TMEFF2: variants seen among roughly 807,000 people sequenced by gnomAD.
The protein encoded by TMEFF2 is tomoregulin-2.
Under a neutral mutation model 53.8 loss-of-function variants are expected in TMEFF2, and 28 were observed. That is an observed-to-expected ratio of 0.52 (90% CI 0.39 to 0.71). The LOEUF is 0.71. TMEFF2 is among the 30% of genes least tolerant of loss of function. The pLI is 0.00. For missense variants in TMEFF2, 353 were observed against 455.2 expected (o/e 0.78, Z 2.04); for synonymous variants, 162 against 166.3 (o/e 0.97, Z 0.20).
At chr2:191,956,232 A>G (rs1208594301) in intron 8 of TMEFF2, 23 bp downstream of exon 8, 5 of 1,596,698 alleles carry the variant, frequency 3.1e-6, no homozygotes, top group Non-Finnish European at 2.6e-6. Flanking sequence ...TACATTAACT[A>G]TTCTTGCGAG....
Position 192,075,332 on chromosome 2 carries a change from T to TATATATATATATATACAC in TMEFF2, c.440-17558_440-17557insGTGTATATATATATATAT, listed in dbSNP as rs796267672. ...ATATATATATATATATATATATATA[T>TATATATATATATATACAC]ACATACATACTATGTATATCCTTGC... On this transcript the variant is annotated intron_variant, in intron 4 of 9. Transcript: ENST00000272771. Among the ~76,000 whole-genome samples, 10 of 88,144 alleles carry TATATATATATATATACAC rather than the reference T, an allele frequency of 1.1e-4. 1 individual carries two copies. The highest frequency in any genetic ancestry group is 4.1e-4 in the African/African-American group (10 of 24,412). The allele number at this position is 88,144 out of a possible 152,430, so 57.8% of individuals were successfully genotyped here.
At chr2:192,129,312 T>G (rs1689754229) in intron 4 of TMEFF2, among the ~76,000 whole-genome samples, 1 of 151,848 alleles carries the variant, frequency 6.6e-6, no homozygotes, top group African/African-American at 2.4e-5. Context: ...ACCCACGGGT[T>G]ATTTTATAAG....
intron 5 of TMEFF2, among the ~76,000 whole-genome samples, chr2:192,049,892 C>A (rs1228675349): frequency 6.6e-6 from 1 of 151,834 alleles, no homozygotes; most frequent in Non-Finnish European, 1.5e-5. Context: ...TCCCAGCTAC[C>A]CGGGAGGCTG....
At chr2:192,053,127 A>G (rs1479877662) in intron 5 of TMEFF2, among the ~76,000 whole-genome samples, 3 of 152,290 alleles carry the variant, frequency 2.0e-5, no homozygotes, top group East Asian at 3.9e-4. Context: ...ATTACAAGCC[A>G]TCTGTTTTCT....
intron 7 of TMEFF2, among the ~76,000 whole-genome samples, chr2:191,964,398 CTCTTTCT>C (rs1692403238): frequency 3.9e-5 from 2 of 51,750 alleles, no homozygotes; most frequent in Non-Finnish European, 7.5e-5. Flanking sequence ...TTCTTTCTTT[CTCTTTCT>C]TTCTTTCTTT....
intron 7 of TMEFF2, among the ~76,000 whole-genome samples, chr2:191,973,052 C>T (rs545902882): frequency 1.3e-5 from 2 of 151,912 alleles, no homozygotes; most frequent in Admixed American, 6.5e-5. Flanking sequence ...TAATTGTCTA[C>T]GAAGAATTTG....
In TMEFF2 at chr2:192,191,037, G is replaced by T. The variant is rs1472327521; in HGVS notation, c.282+843C>A. On this transcript the variant is annotated intron_variant, in intron 2 of 9. Transcript: ENST00000272771. ...ACTCAAGGGCAAATATAGGCTATTA[G>T]TACAACATCCATGCTACTTGAAGTT... 3.3e-5 allele frequency among the ~76,000 whole-genome samples: 5 copies of T among 152,174 alleles called. No homozygotes were observed. In the South Asian group the frequency reaches 1.0e-3, roughly 32 times the overall value.
chr2:192,095,465 C>A (rs1212398781), intron 4 of TMEFF2, among the ~76,000 whole-genome samples: 2 of 152,042 alleles, frequency 1.3e-5, no homozygotes. Context: ...CATCTCCATG[C>A]ACAGACACAC....
intron 4 of TMEFF2, among the ~76,000 whole-genome samples, chr2:192,080,498 C>T (rs761276812): frequency 6.6e-6 from 1 of 152,162 alleles, no homozygotes; most frequent in Non-Finnish European, 1.5e-5. Context: ...GTCAATTAAA[C>T]ATCTTTCCTT....
chr2:192,140,090 G>A (rs1473194957), intron 4 of TMEFF2, among the ~76,000 whole-genome samples: 1 of 152,170 alleles, frequency 6.6e-6, no homozygotes, highest in African/African-American at 2.4e-5. Context: ...AGGTTAAAGG[G>A]ATGAGGCAAA....
At chr2:192,192,761 G>T (rs978380420) in intron 1 of TMEFF2, among the ~76,000 whole-genome samples, 6 of 152,122 alleles carry the variant, frequency 3.9e-5, no homozygotes, top group Non-Finnish European at 7.4e-5. Flanking sequence ...GTCTGTGTTG[G>T]ACTACAAAGC....
intron 2 of TMEFF2, among the ~76,000 whole-genome samples, chr2:192,187,196 G>A (rs1691336306): frequency 6.6e-6 from 1 of 152,098 alleles, no homozygotes; most frequent in Non-Finnish European, 1.5e-5. Context: ...TCTTGGTGTA[G>A]GACCTTTTGT....
At chr2:192,040,376 T>G (rs1176015893) in intron 5 of TMEFF2, among the ~76,000 whole-genome samples, 1 of 152,186 alleles carries the variant, frequency 6.6e-6, no homozygotes, top group Non-Finnish European at 1.5e-5. Context: ...AGTATCTTCA[T>G]TATATGTTTA....
At chr2:192,148,461 C>T (rs978773721) in intron 4 of TMEFF2, among the ~76,000 whole-genome samples, 1 of 151,988 alleles carries the variant, frequency 6.6e-6, no homozygotes, top group African/African-American at 2.4e-5. Context: ...TCTTTCCACA[C>T]TTGACATGCT....
intron 7 of TMEFF2, among the ~76,000 whole-genome samples, chr2:191,996,659 AATTTTGTTAAAAGCTGTGTACT>A (rs1368545411): frequency 1.5e-4 from 23 of 151,888 alleles, no homozygotes; most frequent in Non-Finnish European, 2.9e-4. Flanking sequence ...GTTATCAAAC[AATTTTGTTAAAAGCTGTGTACT>A]ATAAGGAACT....
At chr2:192,084,104 C>G (rs936329866) in intron 4 of TMEFF2, among the ~76,000 whole-genome samples, 1 of 152,102 alleles carries the variant, frequency 6.6e-6, no homozygotes, top group African/African-American at 2.4e-5. Flanking sequence ...AAGTCCTGTT[C>G]AACATCACAC....
intron 4 of TMEFF2, among the ~76,000 whole-genome samples, chr2:192,079,922 C>A (rs1161259494): frequency 1.3e-5 from 2 of 152,132 alleles, no homozygotes; most frequent in Non-Finnish European, 2.9e-5. Flanking sequence ...TTCCCTTAAT[C>A]CAAATAAGTT....
chr2:192,050,479 C>T (rs1184801333), intron 5 of TMEFF2, among the ~76,000 whole-genome samples: 1 of 151,948 alleles, frequency 6.6e-6, no homozygotes, highest in East Asian at 1.9e-4. Context: ...ACTTTCATAA[C>T]CCTCCTTTTT....
chr2:192,036,196 T>A (rs562593962), intron 5 of TMEFF2: 1 of 152,242 alleles, frequency 6.6e-6, no homozygotes, highest in South Asian at 2.1e-4. Context: ...AAATTAAATA[T>A]AAGTCTGCTC....
Sources: gnomAD v4.1 joint callset for allele counts (sites outside exome capture counted in the v4.1 genomes callset) on GRCh38, gnomAD v4.1.1 for gene constraint, MANE v1.5 for transcripts, NCBI Gene and HGNC (gene_info 2026-07-23, HGNC 2026-07-21) for gene names.